Variants in PLAGL1 observed in about 807,000 individuals in gnomAD.
PLAGL1 encodes zinc finger protein PLAGL1.
In PLAGL1, 1 loss-of-function variant was observed where a neutral mutation model predicts 4.6. The ratio of observed to expected loss-of-function variants is 0.22; its 90% CI spans 0.08 to 1.03. The LOEUF (loss-of-function observed/expected upper bound fraction) is 1.03, where lower values mean the gene tolerates loss of function less well. Among genes scored for constraint, PLAGL1 ranks in the 50% least tolerant of loss-of-function variants. The probability of loss-of-function intolerance (pLI) is 0.58; values close to 1 mark genes in which losing one functional copy is unlikely to be tolerated. For synonymous variants in PLAGL1, 240 were observed against 237.8 expected (o/e 1.01, Z -0.08); for missense variants, 464 against 570.4 (o/e 0.81, Z 1.90).
rs533567679 is a variant in PLAGL1, at chr6:143,984,971, G to T, written c.-544+164C>A. On this transcript the variant is annotated intron_variant, in intron 2 of 7. Transcript: ENST00000674357. This position sits in a 1 kb window ranked among gnomAD's most constrained non-coding sequence, Gnocchi z 5.5. ...TTATCAAAATAACTATTATCTAAGA[G>T]TACCAGAAAAAGTGAGACAGACTTT... 1.2e-3 allele frequency among the ~76,000 whole-genome samples: 176 copies of T among 152,136 alleles called. 1 individual carries two copies. Among genetic ancestry groups the T allele is most frequent in the African/African-American group, 4.1e-3 (169 of 41,504 alleles).
At position 143,989,260 on chromosome 6, in the gene PLAGL1, C is replaced by G. The variant is rs1185309661; in HGVS notation, c.-583-4086G>C. ...GGAGGACTCAGAGATGAGTTCTCATCCCTGGAGAGTGTGATATGACAGTGA... is the reference window on the plus strand; with the variant it reads ...GGAGGACTCAGAGATGAGTTCTCATGCCTGGAGAGTGTGATATGACAGTGA... On this transcript the variant is annotated intron_variant, in intron 1 of 7. Transcript: ENST00000674357. The surrounding 1 kb of genome is among the most constrained non-coding windows in gnomAD (Gnocchi z 4.8). Among the ~76,000 whole-genome samples, 1 of 152,168 alleles carries G rather than the reference C, an allele frequency of 6.6e-6. No individual in the cohort carries two copies. Among genetic ancestry groups the G allele is most frequent in the Non-Finnish European group, 1.5e-5 (1 of 68,020 alleles).
chr6:143,975,194 G>T lies in PLAGL1; in HGVS notation c.-543-6216C>A, dbSNP rs1786239438. 2.0e-5 allele frequency among the ~76,000 whole-genome samples: 3 copies of T among 152,128 alleles called. No individual in the cohort carries two copies. On this transcript the variant is annotated intron_variant, in intron 2 of 7. Coordinates refer to ENST00000674357, the MANE Select transcript of PLAGL1 (RefSeq NM_001317162.2). This position sits in a 1 kb window ranked among gnomAD's most constrained non-coding sequence, Gnocchi z 5.8. ...ATTACACCAGCTACCATGTACTGGG[G>T]ATATAATCATTCACTGGAGTTCTCT...
intron 1 of PLAGL1, among the ~76,000 whole-genome samples, chr6:144,046,982 T>C (rs747458578): frequency 1.1e-4 from 16 of 152,246 alleles, no homozygotes; most frequent in Non-Finnish European, 2.1e-4. Context: ...CAAGGCTCTG[T>C]GGGCGTGGGA....
chr6:144,060,223 T>C (rs1214376093), intron 1 of PLAGL1, among the ~76,000 whole-genome samples: 1 of 152,106 alleles, frequency 6.6e-6, no homozygotes, highest in Non-Finnish European at 1.5e-5. Context: ...AAGTTTTGTA[T>C]TTTTTAATAG....
In PLAGL1 at chr6:144,063,901, C is replaced by G. The variant is rs973183889; in HGVS notation, c.-151+567G>C. Among the ~76,000 whole-genome samples the G allele has an allele frequency of 6.6e-6, 1 of 152,184 alleles. No homozygotes were observed. Among genetic ancestry groups the G allele is most frequent in the African/African-American group, 2.4e-5 (1 of 41,454 alleles). ...GCCACGGCCCAGGTCTCTTTTCTCC[C>G]GGAGTCTGCGGGGACCTCCCCGCCG... On this transcript the variant is annotated intron_variant, in intron 1 of 3. Transcript: ENST00000437412. The surrounding 1 kb of genome is among the most constrained non-coding windows in gnomAD (Gnocchi z 5.7).
chr6:143,993,537 A>C (rs984505015), intron 1 of PLAGL1, among the ~76,000 whole-genome samples: 1 of 152,200 alleles, frequency 6.6e-6, no homozygotes, highest in East Asian at 1.9e-4. Context: ...CCACCCCTAC[A>C]CTAACAGTTA....
rs761759939 is a variant in PLAGL1 at position 143,962,557 on chromosome 6, A to G, written c.-398-2015T>C. On this transcript the variant is annotated intron_variant, in intron 5 of 7. Transcript: ENST00000674357. The surrounding 1 kb of genome is among the most constrained non-coding windows in gnomAD (Gnocchi z 5.3). ...CGTTGATGACAAAAACCAAAGTTTC[A>G]TAGAGTGTATGAGTTCCAGGATGTG... Among the ~76,000 whole-genome samples the G allele has an allele frequency of 1.3e-5, 2 of 152,234 alleles. No homozygotes were observed. The highest frequency in any genetic ancestry group is 2.9e-5 in the Non-Finnish European group (2 of 68,040).
intron 1 of PLAGL1, among the ~76,000 whole-genome samples, chr6:144,062,920 A>G (rs1430448981): frequency 1.3e-5 from 2 of 152,226 alleles, no homozygotes; most frequent in Non-Finnish European, 2.9e-5. Context: ...ATTTGCTTGC[A>G]GGAAAATAAT....
chr6:143,948,352 A>G lies in PLAGL1; in HGVS notation c.-216T>C, dbSNP rs909893675. The G allele has an allele frequency of 3.8e-5, 20 of 526,334 alleles. No individual in the cohort carries two copies. Among genetic ancestry groups the G allele is most frequent in the Non-Finnish European group, 6.2e-5 (18 of 290,422 alleles). The allele number at this position is 526,334 out of a possible 1,614,324, so 32.6% of individuals were successfully genotyped here. On this transcript the variant is annotated 5_prime_UTR_variant, in exon 7 of 8. The change abolishes an upstream ATG in the 5' untranslated region. Transcript: ENST00000674357. The surrounding 1 kb of genome is among the most constrained non-coding windows in gnomAD (Gnocchi z 6.0). Reference sequence around the variant, plus strand: ...CCTGCTTTCACACATCCCAGTTTACATGCAGTCTCAAGCTGAGGGGAGAAA... The same window carrying G: ...CCTGCTTTCACACATCCCAGTTTACGTGCAGTCTCAAGCTGAGGGGAGAAA...
chr6:144,064,163 C>T lies in PLAGL1; in HGVS notation c.-151+305G>A, dbSNP rs1799652417. On this transcript the variant is annotated intron_variant, in intron 1 of 3. Transcript: ENST00000437412. This position sits in a 1 kb window ranked among gnomAD's most constrained non-coding sequence, Gnocchi z 6.8. ...TGTTCAGCTCCCACGTCACCCGGCC[C>T]GCCCTCCGCCCAGCGCAGAAGCGAA... is the stretch of plus-strand genomic sequence containing the variant. Among the ~76,000 whole-genome samples, 5 of 152,014 alleles carry T rather than the reference C, an allele frequency of 3.3e-5. No individual in the cohort carries two copies. Among genetic ancestry groups the T allele is most frequent in the Admixed American group, 3.3e-4 (5 of 15,274 alleles).
In PLAGL1 at chr6:144,048,800, A is replaced by G. The variant is rs1299404551; in HGVS notation, c.-151+15668T>C. Reference sequence around the variant, plus strand: ...CTTGGCTATTAATATGTGGCTCCTCATTACTCATGCAAATTTCTGCAGCTG... The same window carrying G: ...CTTGGCTATTAATATGTGGCTCCTCGTTACTCATGCAAATTTCTGCAGCTG... On this transcript the variant is annotated intron_variant, in intron 1 of 3. Transcript: ENST00000437412. This position sits in a 1 kb window ranked among gnomAD's most constrained non-coding sequence, Gnocchi z 4.8. Among the ~76,000 whole-genome samples the G allele has an allele frequency of 3.3e-5, 5 of 152,326 alleles. No individual in the cohort carries two copies. Among genetic ancestry groups the G allele is most frequent in the Non-Finnish European group, 5.9e-5 (4 of 68,030 alleles).
chr6:143,993,203 C>G (rs1365620481), intron 1 of PLAGL1, among the ~76,000 whole-genome samples: 1 of 151,638 alleles, frequency 6.6e-6, no homozygotes, highest in Admixed American at 6.6e-5. Context: ...ACTCAGGAGG[C>G]TGGGGCAGGA....
chr6:143,969,821 T>A (rs1785096013), intron 2 of PLAGL1, among the ~76,000 whole-genome samples: 1 of 149,886 alleles, frequency 6.7e-6, no homozygotes, highest in Middle Eastern at 3.4e-3. Context: ...TTTTTTTTTT[T>A]AAAGTCAAGA....
chr6:144,013,729 C>T lies in PLAGL1; in HGVS notation c.-150-44751G>A, dbSNP rs1425436284. On this transcript the variant is annotated intron_variant, in intron 1 of 3. Coordinates refer to the PLAGL1 transcript ENST00000437412. This position sits in a 1 kb window ranked among gnomAD's most constrained non-coding sequence, Gnocchi z 4.4. The stretch of plus-strand genomic sequence containing the variant: ...CCAATCTCTGCCTCCATCTTCACAA[C>T]GCCTTCTCTGTGCGTGCCATGTGCT... Among the ~76,000 whole-genome samples, 3 of 152,218 alleles carry T rather than the reference C, an allele frequency of 2.0e-5. No individual in the cohort carries two copies. Among genetic ancestry groups the T allele is most frequent in the East Asian group, 1.9e-4 (1 of 5,202 alleles).
At chr6:144,033,473 G>A (rs1355761932) in intron 1 of PLAGL1, among the ~76,000 whole-genome samples, 1 of 152,166 alleles carries the variant, frequency 6.6e-6, no homozygotes, top group East Asian at 1.9e-4. Context: ...GAAACATGAT[G>A]GAAAAACCTA....
At chr6:144,008,669 A>G (rs555439966), upstream of PLAGL1, 2 of 152,536 alleles carry the variant, frequency 1.3e-5, no homozygotes, top group African/African-American at 2.4e-5. The surrounding 1 kb of genome is among the most constrained non-coding windows in gnomAD (Gnocchi z 6.9). Context: ...ATGGGCCGCC[A>G]GAGCCCAATC....
rs1385346383 is a variant in PLAGL1 at position 143,990,144 on chromosome 6, T to C, written c.-583-4970A>G. On this transcript the variant is annotated intron_variant, in intron 1 of 7. Coordinates refer to ENST00000674357, the MANE Select transcript of PLAGL1 (RefSeq NM_001317162.2). The surrounding 1 kb of genome is among the most constrained non-coding windows in gnomAD (Gnocchi z 5.4). ...ATTTTTTTTTTTTTCTTTTTTGAGA[T>C]GGAGTCTCGCTCTGTTGCCAGACTG... is the stretch of plus-strand genomic sequence containing the variant. Among the ~76,000 whole-genome samples the C allele has an allele frequency of 1.3e-5, 2 of 151,946 alleles. No homozygotes were observed. Among genetic ancestry groups the C allele is most frequent in the Non-Finnish European group, 2.9e-5 (2 of 67,968 alleles).
rs1786263337 is a variant in PLAGL1, at chr6:143,975,267, G to A, written c.-543-6289C>T. 6.6e-6 allele frequency among the ~76,000 whole-genome samples: 1 copy of A among 152,174 alleles called. No individual in the cohort carries two copies. Among genetic ancestry groups the A allele is most frequent in the South Asian group, 2.1e-4 (1 of 4,830 alleles). On this transcript the variant is annotated intron_variant, in intron 2 of 7. Coordinates refer to ENST00000674357, the MANE Select transcript of PLAGL1 (RefSeq NM_001317162.2). This position sits in a 1 kb window ranked among gnomAD's most constrained non-coding sequence, Gnocchi z 5.8. The stretch of plus-strand genomic sequence containing the variant: ...TCATCCTAGTTTTTGAGGCCAATGG[G>A]TTGTACCACTTCCATTCAATGAGGT...
chr6:144,008,600 G>A (rs1261147486), upstream of PLAGL1: 1 of 152,296 alleles, frequency 6.6e-6, no homozygotes, highest in Non-Finnish European at 1.5e-5. The surrounding 1 kb of genome is among the most constrained non-coding windows in gnomAD (Gnocchi z 6.9). Flanking sequence ...GCTGGCGCAG[G>A]TAGACCCGAG....
Sources: gnomAD v4.1 joint callset for allele counts (sites outside exome capture counted in the v4.1 genomes callset) on GRCh38, gnomAD v4.1.1 for gene constraint, Gnocchi (gnomAD v3.1) non-coding constraint, MANE v1.5 for transcripts, NCBI Gene and HGNC (gene_info 2026-07-23, HGNC 2026-07-21) for gene names.